The following CDH8 variants were observed in gnomAD, a reference collection of about 807,000 sequenced individuals.
CDH8 encodes cadherin 8, also known as cadherin-8.
Under a neutral mutation model 68.1 loss-of-function variants are expected in CDH8, and 17 were observed. The observed-to-expected ratio is 0.25, with a 90% CI of 0.17 to 0.37. The LOEUF is 0.37. Among genes scored for constraint, CDH8 ranks in the 10% least tolerant of loss-of-function variants. The pLI is 1.00. For synonymous variants in CDH8, 372 were observed against 365.1 expected, an observed-to-expected ratio of 1.02 and a Z score of -0.21; for missense variants, 763 against 999.3, an observed-to-expected ratio of 0.76 and a Z score of 3.19.
intron 7 of CDH8, among the ~76,000 whole-genome samples, chr16:61,808,729 A>G (rs1961865666): frequency 1.3e-5 from 2 of 152,218 alleles, no homozygotes; most frequent in Admixed American, 1.3e-4. Flanking sequence ...CTGACTGTTC[A>G]ACTTACTGAT....
chr16:62,002,033 A>G (rs949341448), intron 2 of CDH8, among the ~76,000 whole-genome samples: 7 of 152,178 alleles, frequency 4.6e-5, no homozygotes, highest in African/African-American at 9.7e-5. Flanking sequence ...GTAAATGTTC[A>G]TATCATTCAG....
intron 8 of CDH8, among the ~76,000 whole-genome samples, chr16:61,780,261 C>T (rs2142992098): frequency 6.6e-6 from 1 of 152,302 alleles, no homozygotes; most frequent in South Asian, 2.1e-4. Context: ...CAGAGATATA[C>T]TATACAAGCC....
intron 7 of CDH8, among the ~76,000 whole-genome samples, chr16:61,808,959 T>A (rs922769236): frequency 6.6e-6 from 1 of 152,034 alleles, no homozygotes; most frequent in African/African-American, 2.4e-5. Flanking sequence ...GCCAAGGCAG[T>A]CAGATCACCT....
At chr16:62,003,000 A>C (rs2408010) in intron 2 of CDH8, among the ~76,000 whole-genome samples, 1 of 151,686 alleles carries the variant, frequency 6.6e-6, no homozygotes, top group African/African-American at 2.4e-5. Flanking sequence ...TGCAGTGAGC[A>C]GATATCGCAC....
At chr16:61,818,045 T>C (rs1962121025) in intron 6 of CDH8, 3 of 222,438 alleles carry the variant, frequency 1.3e-5, no homozygotes, top group South Asian at 2.1e-4. Context: ...AAAATTTTAC[T>C]AGTGACAGCA....
chr16:61,813,943 T>G (rs1861312359), intron 7 of CDH8, among the ~76,000 whole-genome samples: 2 of 152,172 alleles, frequency 1.3e-5, no homozygotes, highest in Non-Finnish European at 2.9e-5. Flanking sequence ...ATTTAGCCTA[T>G]AGCTGTCAAA....
chr16:61,960,035 C>T lies in CDH8; in HGVS notation c.253-58562G>A, dbSNP rs1316337995. Among the ~76,000 whole-genome samples the T allele has an allele frequency of 1.5e-4, 17 of 110,644 alleles. 2 individuals are homozygous for T. The highest frequency in any genetic ancestry group is 2.3e-4 in the African/African-American group (6 of 26,512). 72.6% of individuals were successfully genotyped at this position (110,644 alleles called of 152,430 possible). On this transcript the variant is annotated intron_variant, in intron 2 of 11. Coordinates refer to ENST00000577390, the MANE Select transcript of CDH8 (RefSeq NM_001796.5). ...ATATATACACACATACACACACACA[C>T]ACAACATATATGTATGTATGTGTGT... is the stretch of plus-strand genomic sequence containing the variant.
chr16:61,886,386 T>G (rs2143163453), intron 3 of CDH8, among the ~76,000 whole-genome samples: 2 of 152,354 alleles, frequency 1.3e-5, no homozygotes, highest in East Asian at 3.9e-4. Context: ...TGCTTTTATA[T>G]CCTCTTACAG....
In CDH8 at chr16:61,749,130, T is replaced by C. The variant is rs371032053; in HGVS notation, c.1415-21915A>G. On this transcript the variant is annotated intron_variant, in intron 8 of 11. Coordinates refer to ENST00000577390, the MANE Select transcript of CDH8 (RefSeq NM_001796.5). ...AATAAAACGTACACAGATTTTTTTA[T>C]AGGTTCTTGTGGGTATCAGAACATT... Among the ~76,000 whole-genome samples, 4 of 152,062 alleles carry C rather than the reference T, an allele frequency of 2.6e-5. No individual in the cohort carries two copies. The East Asian group carries it at 5.8e-4, about 22-fold the overall frequency.
chr16:61,962,223 T>C lies in CDH8; in HGVS notation c.252+58929A>G, dbSNP rs1051545332. On this transcript the variant is annotated intron_variant, in intron 2 of 11. Coordinates refer to ENST00000577390, the MANE Select transcript of CDH8 (RefSeq NM_001796.5). ...AGTGGCAGAGGCAGAAGAAAATCTA[T>C]GTACCAGTGGACTCATAAAGTTCAA... Among the ~76,000 whole-genome samples the C allele has an allele frequency of 3.3e-5, 5 of 152,270 alleles. 1 individual carries two copies. Among genetic ancestry groups the C allele is most frequent in the Admixed American group, 1.3e-4 (2 of 15,288 alleles).
intron 2 of CDH8, among the ~76,000 whole-genome samples, chr16:61,924,759 TC>T (rs1222806148): frequency 6.6e-6 from 1 of 152,120 alleles, no homozygotes; most frequent in African/African-American, 2.4e-5. Context: ...ATTCTAAAAT[TC>T]AACCTTCTAT....
At chr16:61,760,048 G>A (rs999256868) in intron 8 of CDH8, among the ~76,000 whole-genome samples, 6 of 151,986 alleles carry the variant, frequency 3.9e-5, no homozygotes, top group South Asian at 4.2e-4. Flanking sequence ...CCAAGGAAAC[G>A]TTTATGGAGG....
chr16:61,729,620 T>C (rs1255369843), intron 8 of CDH8, among the ~76,000 whole-genome samples: 3 of 151,290 alleles, frequency 2.0e-5, no homozygotes, highest in African/African-American at 7.3e-5. Flanking sequence ...GTTATTCCTT[T>C]TAACTCTGTA....
intron 2 of CDH8, among the ~76,000 whole-genome samples, chr16:61,952,654 A>C (rs546112495): frequency 2.0e-5 from 3 of 152,304 alleles, no homozygotes; most frequent in Admixed American, 6.5e-5. Context: ...AATACTGTTG[A>C]AGAGGTTGCA....
At chr16:61,966,753 A>C (rs531080646) in intron 2 of CDH8, among the ~76,000 whole-genome samples, 30 of 152,238 alleles carry the variant, frequency 2.0e-4, no homozygotes, top group Non-Finnish European at 3.7e-4. Context: ...GAAATAAACA[A>C]TGAGCAATTT....
At chr16:61,667,201 A>C (rs2142769801) in intron 10 of CDH8, 1 of 152,068 alleles carries the variant, frequency 6.6e-6, no homozygotes, top group African/African-American at 2.4e-5. Flanking sequence ...TGATGTCAAT[A>C]ATCTCCATTT....
At chr16:62,031,512 C>T (rs1344400684) in intron 1 of CDH8, among the ~76,000 whole-genome samples, 1 of 152,060 alleles carries the variant, frequency 6.6e-6, no homozygotes, top group African/African-American at 2.4e-5. Context: ...AACCATCCAT[C>T]GTTCTAGCAT....
intron 8 of CDH8, among the ~76,000 whole-genome samples, chr16:61,780,257 T>C (rs1301129039): frequency 6.6e-6 from 1 of 152,210 alleles, no homozygotes; most frequent in Non-Finnish European, 1.5e-5. Flanking sequence ...CTAGCAGAGA[T>C]ATACTATACA....
chr16:61,687,914 C>T (rs997822383), intron 10 of CDH8, among the ~76,000 whole-genome samples: 5 of 151,978 alleles, frequency 3.3e-5, no homozygotes, highest in Admixed American at 1.3e-4. Context: ...TTTATCATCA[C>T]GATTTCAATC....
Sources: allele counts gnomAD v4.1 joint callset (sites outside exome capture counted in the v4.1 genomes callset), GRCh38; gene constraint gnomAD v4.1.1; transcripts MANE v1.5; gene names NCBI Gene and HGNC (gene_info 2026-07-23, HGNC 2026-07-21).